The following CRACR2A variants were observed in gnomAD, a reference collection of about 807,000 sequenced individuals.
CRACR2A encodes calcium release activated channel regulator 2A, also known as EF-hand calcium-binding domain-containing protein 4B.
A neutral mutation model predicts 90.5 loss-of-function variants in CRACR2A; 79 were observed. The observed-to-expected ratio is 0.87, with a 90% CI of 0.73 to 1.05. The LOEUF is 1.05. Ranked by LOEUF, CRACR2A falls within the 50% of genes least tolerant of loss-of-function variation. The pLI, the probability that CRACR2A is intolerant of heterozygous loss-of-function variation, is 0.00. For synonymous variants in CRACR2A, 338 were observed against 356.7 expected (o/e 0.95, Z 0.59); for missense variants, 823 against 897.2 (o/e 0.92, Z 1.06).
chr12:3,745,825 T>TAAAATAAAATAAAAGAAAAGAAAAGAAAG (rs149739964), intron 1 of CRACR2A, among the ~76,000 whole-genome samples: 1 of 100,486 alleles, frequency 1.0e-5, no homozygotes, highest in Admixed American at 1.1e-4. Context: ...TAAAATAAAA[T>TAAAATAAAATAAAAGAAAAGAAAAGAAAG]AAAGAAAGAA....
At chr12:3,703,611 A>G (rs750618072) in intron 3 of CRACR2A, among the ~76,000 whole-genome samples, 44 of 152,246 alleles carry the variant, frequency 2.9e-4, no homozygotes, top group Admixed American at 9.8e-4. Flanking sequence ...TCTTTGAAAG[A>G]TACAATTTAA....
At chr12:3,713,986 G>A (rs939695540) in intron 2 of CRACR2A, among the ~76,000 whole-genome samples, 1 of 152,194 alleles carries the variant, frequency 6.6e-6, no homozygotes, top group Non-Finnish European at 1.5e-5. Flanking sequence ...TGACTGAAGG[G>A]AGCAGTAGTG....
At chr12:3,615,492 G>A in intron 19 of CRACR2A, 53 bp from the exon 20 acceptor site, 1 of 1,460,708 alleles carries the variant, frequency 6.8e-7, no homozygotes, top group Middle Eastern at 1.8e-4. Flanking sequence ...TAGGCCCAGG[G>A]GCTGGCAACC....
At chr12:3,700,360 T>C (rs1945816698) in intron 3 of CRACR2A, among the ~76,000 whole-genome samples, 1 of 152,202 alleles carries the variant, frequency 6.6e-6, no homozygotes, top group Admixed American at 6.5e-5. Context: ...ACCCCAAGTG[T>C]GCCCTGTCTT....
At chr12:3,643,800 ATATATTATATATATATT>A (rs1401666432) in intron 12 of CRACR2A, among the ~76,000 whole-genome samples, 2 of 109,420 alleles carry the variant, frequency 1.8e-5, no homozygotes, top group Admixed American at 1.3e-4. Context: ...TTTATATAAT[ATATATTATATATATATT>A]TATATTATAT....
chr12:3,742,247 G>T (rs775901548), intron 1 of CRACR2A, among the ~76,000 whole-genome samples: 3 of 152,208 alleles, frequency 2.0e-5, no homozygotes, highest in African/African-American at 7.2e-5. Flanking sequence ...TTGCTCATTC[G>T]GTTTTGGTTG....
intron 1 of CRACR2A, among the ~76,000 whole-genome samples, chr12:3,745,780 AAAAATAAAAT>A (rs941357128): frequency 9.4e-6 from 1 of 106,730 alleles, no homozygotes; most frequent in African/African-American, 3.8e-5. Context: ...CTTCGTCTCA[AAAAATAAAAT>A]AAAATAAAAT....
In CRACR2A at chr12:3,746,217, A is replaced by G. The variant is rs1433658146; in HGVS notation, c.-387+6798T>C. Among the ~76,000 whole-genome samples the G allele has an allele frequency of 2.0e-5, 3 of 152,224 alleles. No individual in the cohort carries two copies. The highest frequency in any genetic ancestry group is 1.9e-4 in the East Asian group (1 of 5,182). ...CTAAATTATGTCCCCCCGACAATTC[A>G]TATGTTGAAGCCCTAACTCTCAATG... On this transcript the variant is annotated intron_variant, in intron 1 of 19. Transcript: ENST00000440314. The surrounding 1 kb of genome is among the most constrained non-coding windows in gnomAD (Gnocchi z 4.4).
At position 3,667,145 on chromosome 12, in the gene CRACR2A, T is replaced by A. The variant is rs993348367; in HGVS notation, c.671+6301A>T. ...CTCCCCATCACAGAATGAAAGCTTA[T>A]AAAGCTCATGTATTCCCTATGCCTT... is the stretch of plus-strand genomic sequence containing the variant. On this transcript the variant is annotated intron_variant, in intron 7 of 19. Transcript: ENST00000440314. Among the ~76,000 whole-genome samples, 25 of 152,212 alleles carry A rather than the reference T, an allele frequency of 1.6e-4. 1 individual carries two copies. Among genetic ancestry groups the A allele is most frequent in the Non-Finnish European group, 2.9e-5 (2 of 68,038 alleles).
At position 3,678,898 on chromosome 12, in the gene CRACR2A, T is replaced by A; in HGVS notation, c.524+17A>T. On this transcript the variant is annotated intron_variant, in intron 6 of 19. Transcript: ENST00000440314. ...ACCAGGCTGGTCTCCGTTCTACAAA[T>A]CACTGTCACCACTTACTCTTCCAAC... 1 of 1,588,632 alleles carries A rather than the reference T, an allele frequency of 6.3e-7. No individual in the cohort carries two copies. Among genetic ancestry groups the A allele is most frequent in the Non-Finnish European group, 8.6e-7 (1 of 1,169,070 alleles).
intron 1 of CRACR2A, among the ~76,000 whole-genome samples, chr12:3,745,800 T>TAA (rs1233492113): frequency 2.0e-4 from 1 of 4,948 alleles, no homozygotes; most frequent in Admixed American, 4.0e-3. Flanking sequence ...TAAAATAAAA[T>TAA]AAAATAAAAT....
chr12:3,638,375 C>T lies in CRACR2A; in HGVS notation c.1351G>A (p.Glu451Lys). 6.4e-7 allele frequency: 1 copy of T among 1,551,684 alleles called. No individual in the cohort carries two copies. Among genetic ancestry groups the T allele is most frequent in the Non-Finnish European group, 8.7e-7 (1 of 1,146,974 alleles). Residue 451 changes from glutamate to lysine, a missense_variant, in exon 14 of 20, where the codon GAG becomes AAG. Glu to Lys is a moderately conservative substitution (Grantham distance 56, BLOSUM62 1). Coordinates refer to ENST00000440314, the MANE Select transcript of CRACR2A (RefSeq NM_001144958.2). ...CCTGGCTCCCCGGTTCCTGGCTCCT[C>T]TTCTGTTAGGGGATATCCACTCAGG... is the stretch of plus-strand genomic sequence containing the variant. ...LGLSGYPLTE[E>K]EPGTGEPGPG...
chr12:3,616,417 T>C (rs1374453519), intron 19 of CRACR2A, among the ~76,000 whole-genome samples: 1 of 152,222 alleles, frequency 6.6e-6, no homozygotes, highest in African/African-American at 2.4e-5. Flanking sequence ...ATTTTTGGTG[T>C]AGGCAGGGCC....
chr12:3,719,763 T>A (rs1591709885), intron 2 of CRACR2A, among the ~76,000 whole-genome samples: 1 of 152,344 alleles, frequency 6.6e-6, no homozygotes, highest in East Asian at 1.9e-4. Flanking sequence ...CTTATCTCTC[T>A]TATATCTGCT....
rs1398318744 is a variant in CRACR2A, at chr12:3,679,103, G to T, written c.341-5C>A. 6.2e-7 allele frequency: 1 copy of T among 1,610,242 alleles called. No individual in the cohort carries two copies. The highest frequency in any genetic ancestry group is 8.5e-7 in the Non-Finnish European group (1 of 1,178,374). On this transcript the variant is annotated splice_polypyrimidine_tract_variant and splice_region_variant and intron_variant, in intron 5 of 19. Coordinates refer to ENST00000440314, the MANE Select transcript of CRACR2A (RefSeq NM_001144958.2). ...TCTGGCTGAAGAAGAAGTGACCTGG[G>T]GGGTGCAGGGCACAAGGATCCGAAT...
At chr12:3,681,711 C>T (rs10491973) in intron 4 of CRACR2A, among the ~76,000 whole-genome samples, 14,244 of 152,190 alleles carry the variant, frequency 0.094, 948 homozygotes, top group Non-Finnish European at 0.14. Context: ...AAGGTATATA[C>T]CAACCTCAAC....
rs751023994 is a variant in CRACR2A, at chr12:3,648,601, A to G, written c.1059T>C (p.Arg353=). ...LHQEKEMEVY[R]VTESLQREKA... is the part of the protein sequence containing the mutation. ...TCTCACGCTGTAGACTCTCCGTCAC[A>G]CGGTACACTTCCCTGAGGAGGAGGC... is the stretch of plus-strand genomic sequence containing the variant. The change falls in exon 11 of 20, where the codon CGT becomes CGC. Residue 353 remains arginine, a synonymous_variant. Transcript: ENST00000440314. 1.9e-6 allele frequency: 3 copies of G among 1,613,986 alleles called. No homozygotes were observed. The Admixed American group carries it at 5.0e-5, about 27-fold the overall frequency.
intron 3 of CRACR2A, among the ~76,000 whole-genome samples, chr12:3,701,103 C>A (rs1945827644): frequency 1.3e-5 from 2 of 148,434 alleles, no homozygotes; most frequent in Non-Finnish European, 1.5e-5. Context: ...CACTTCTAAA[C>A]AACTCATGGG....
intron 1 of CRACR2A, among the ~76,000 whole-genome samples, chr12:3,750,197 A>G (rs1370681198): frequency 6.6e-6 from 1 of 151,964 alleles, no homozygotes; most frequent in Non-Finnish European, 1.5e-5. Context: ...CAGCTTCCAA[A>G]GTGCTGGGAT....
Sources: allele counts gnomAD v4.1 joint callset (sites outside exome capture counted in the v4.1 genomes callset), GRCh38; gene constraint gnomAD v4.1.1; non-coding constraint Gnocchi (gnomAD v3.1); transcripts MANE v1.5; gene names NCBI Gene and HGNC (gene_info 2026-07-23, HGNC 2026-07-21).